CNOT2: variants seen among roughly 807,000 people sequenced by gnomAD.
CNOT2 encodes CC chemokine receptor 4-negative regulator of transcription 2.
In CNOT2, 7 loss-of-function variants were observed where a neutral mutation model predicts 72.1. The ratio of observed to expected loss-of-function variants is 0.10; its 90% CI spans 0.06 to 0.18. CNOT2 has a LOEUF of 0.18. Among genes scored for constraint, CNOT2 ranks in the 10% least tolerant of loss-of-function variants. The pLI is 1.00. For synonymous variants in CNOT2, 196 were observed against 225.6 expected, an observed-to-expected ratio of 0.87 and a Z score of 1.17; for missense variants, 345 against 660.3, an observed-to-expected ratio of 0.52 and a Z score of 5.23.
chr12:70,346,592 G>C (rs183932808), intron 15 of CNOT2: 2 of 261,356 alleles, frequency 7.7e-6, no homozygotes, highest in East Asian at 1.5e-4. Context: ...TGTGTCTACT[G>C]CTTTGTAAAA....
intron 2 of CNOT2, among the ~76,000 whole-genome samples, chr12:70,300,213 C>G (rs917578962): frequency 5.3e-5 from 8 of 152,126 alleles, no homozygotes; most frequent in African/African-American, 1.4e-4. Context: ...TGCAGAAGCT[C>G]TTTAGTTTAA....
intron 1 of CNOT2, among the ~76,000 whole-genome samples, chr12:70,265,329 CTTTCTTT>C (rs1958989500): frequency 5.9e-5 from 4 of 67,684 alleles, no homozygotes; most frequent in Admixed American, 1.7e-4. Flanking sequence ...TCTTCTCTTT[CTTTCTTT>C]TTTCTTTCTT....
At chr12:70,335,300 C>A in intron 7 of CNOT2, 138 bp from the exon 8 acceptor site, 2 of 577,786 alleles carry the variant, frequency 3.5e-6, no homozygotes, top group Admixed American at 2.9e-5. Context: ...CTTTTGAGCA[C>A]CTACATACAC....
intron 15 of CNOT2, among the ~76,000 whole-genome samples, chr12:70,347,294 T>C (rs2136083613): frequency 6.6e-6 from 1 of 152,210 alleles, no homozygotes; most frequent in South Asian, 2.1e-4. Flanking sequence ...GTAAAATGCC[T>C]ACCAGATATT....
rs567666317 is a variant in CNOT2 at position 70,341,346 on chromosome 12, T to G, written c.1179-761T>G. Among the ~76,000 whole-genome samples, 5 of 152,286 alleles carry G rather than the reference T, an allele frequency of 3.3e-5. No individual in the cohort carries two copies. The South Asian group carries it at 6.2e-4, about 19-fold the overall frequency. On this transcript the variant is annotated intron_variant, in intron 11 of 15. Coordinates refer to ENST00000229195, the MANE Select transcript of CNOT2 (RefSeq NM_014515.7). ...AGTCATGTCCCTGCCTTAGTTGCTC[T>G]AGGAGTTCCCTCAGACTAGAAGAGT...
chr12:70,308,843 T>C (rs1875946029), intron 2 of CNOT2, among the ~76,000 whole-genome samples: 1 of 152,314 alleles, frequency 6.6e-6, no homozygotes, highest in East Asian at 1.9e-4. Context: ...TTTGAGCTTA[T>C]TTATGTGTAT....
chr12:70,332,887 T>C, intron 7 of CNOT2, 41 bp downstream of exon 7: 4 of 1,539,506 alleles, frequency 2.6e-6, no homozygotes, highest in Non-Finnish European at 2.6e-6. Flanking sequence ...AAAAGTATGA[T>C]AGATTTATGA....
chr12:70,302,037 T>C (rs1481877358), intron 2 of CNOT2, among the ~76,000 whole-genome samples: 1 of 152,210 alleles, frequency 6.6e-6, no homozygotes, highest in African/African-American at 2.4e-5. Flanking sequence ...CTGATGGTGG[T>C]ATGTATTTCT....
intron 2 of CNOT2, among the ~76,000 whole-genome samples, chr12:70,289,829 G>GT (rs940203251): frequency 5.3e-5 from 8 of 150,330 alleles, no homozygotes; most frequent in African/African-American, 1.2e-4. Context: ...TTGAGTGTTG[G>GT]TTTTTTTTTC....
intron 1 of CNOT2, among the ~76,000 whole-genome samples, chr12:70,244,603 G>C (rs1524246): frequency 1.3e-5 from 2 of 152,016 alleles, no homozygotes; most frequent in African/African-American, 4.8e-5. Context: ...AACTTCCTTC[G>C]AATCCTTGGA....
intron 1 of CNOT2, among the ~76,000 whole-genome samples, chr12:70,274,308 C>A (rs955155006): frequency 9.2e-5 from 14 of 151,922 alleles, no homozygotes; most frequent in African/African-American, 2.9e-4. Context: ...TTTGAGGAAC[C>A]CTTATTTTAA....
chr12:70,351,671 T>C, intron 15 of CNOT2, among the ~76,000 whole-genome samples: 1 of 152,220 alleles, frequency 6.6e-6, no homozygotes, highest in Non-Finnish European at 1.5e-5. Context: ...TCAGTATAAC[T>C]TACCACTTTG....
intron 15 of CNOT2, among the ~76,000 whole-genome samples, chr12:70,350,040 C>A (rs555168869): frequency 6.6e-6 from 1 of 151,744 alleles, no homozygotes; most frequent in South Asian, 2.1e-4. Context: ...TTTGCTTATT[C>A]TTTCCTTTTA....
At chr12:70,329,172 T>C (rs1472058245) in intron 4 of CNOT2, among the ~76,000 whole-genome samples, 1 of 151,996 alleles carries the variant, frequency 6.6e-6, no homozygotes, top group Non-Finnish European at 1.5e-5. Flanking sequence ...GTCATTTACA[T>C]ACTTCATAAT....
intron 2 of CNOT2, among the ~76,000 whole-genome samples, chr12:70,282,701 T>A (rs1870078103): frequency 6.6e-6 from 1 of 152,226 alleles, no homozygotes; most frequent in Non-Finnish European, 1.5e-5. Flanking sequence ...CTCTGCCCTC[T>A]TCCCCAGAAG....
intron 2 of CNOT2, among the ~76,000 whole-genome samples, chr12:70,297,490 G>A (rs929088321): frequency 6.6e-6 from 1 of 152,100 alleles, no homozygotes; most frequent in Non-Finnish European, 1.5e-5. Flanking sequence ...TGCTACTAGG[G>A]AATTGTTTTT....
At position 70,317,501 on chromosome 12, in the gene CNOT2, G is replaced by A. The variant is rs535754736; in HGVS notation, c.172-1797G>A. On this transcript the variant is annotated intron_variant, in intron 3 of 15. Coordinates refer to ENST00000229195, the MANE Select transcript of CNOT2 (RefSeq NM_014515.7). ...TTATCAGGCATCTTTTGATCTGTTG[G>A]GTTATAATTGGGAAAGAATATATAG... Among the ~76,000 whole-genome samples, 5 of 151,788 alleles carry A rather than the reference G, an allele frequency of 3.3e-5. No homozygotes were observed. In the South Asian group the frequency reaches 1.0e-3, roughly 32 times the overall value.
chr12:70,257,860 C>T (rs954003785), intron 1 of CNOT2, among the ~76,000 whole-genome samples: 2 of 152,122 alleles, frequency 1.3e-5, no homozygotes, highest in East Asian at 3.9e-4. Flanking sequence ...GAAAAGTTAT[C>T]TTCCAAAGCT....
At chr12:70,311,839 A>G (rs934852952) in intron 3 of CNOT2, among the ~76,000 whole-genome samples, 3 of 151,896 alleles carry the variant, frequency 2.0e-5, no homozygotes, top group Admixed American at 6.6e-5. Context: ...CTATTAACCT[A>G]ATGAGATTTA....
Sources: allele counts gnomAD v4.1 joint callset (sites outside exome capture counted in the v4.1 genomes callset), GRCh38; gene constraint gnomAD v4.1.1; transcripts MANE v1.5; gene names NCBI Gene and HGNC (gene_info 2026-07-23, HGNC 2026-07-21).